Variants in CRYBG1 observed in about 807,000 individuals in gnomAD.
The protein encoded by CRYBG1 is crystallin beta-gamma domain containing 1, also known as beta/gamma crystallin domain-containing protein 1.
Under a neutral mutation model 189.2 loss-of-function variants are expected in CRYBG1, and 139 were observed. The ratio of observed to expected loss-of-function variants is 0.73; its 90% CI spans 0.64 to 0.85. CRYBG1 has a LOEUF of 0.85. Ranked by LOEUF, CRYBG1 falls within the 40% of genes least tolerant of loss-of-function variation. The pLI, the probability that CRYBG1 is intolerant of heterozygous loss-of-function variation, is 0.00. For synonymous variants in CRYBG1, 1,023 were observed against 1,017.1 expected, an observed-to-expected ratio of 1.01 and a Z score of -0.11; for missense variants, 2,611 against 2,675.8, an observed-to-expected ratio of 0.98 and a Z score of 0.53.
At chr6:106,498,989 C>T (rs764308252) in intron 2 of CRYBG1, among the ~76,000 whole-genome samples, 3 of 150,822 alleles carry the variant, frequency 2.0e-5, no homozygotes, top group African/African-American at 2.4e-5. Flanking sequence ...GAAAAATAAG[C>T]CAAGAAAAAA....
At chr6:106,380,706 A>T (rs1016585118) in intron 1 of CRYBG1, among the ~76,000 whole-genome samples, 1 of 152,206 alleles carries the variant, frequency 6.6e-6, no homozygotes, top group Non-Finnish European at 1.5e-5. Flanking sequence ...TATAATAGGA[A>T]GGGTGAATTC....
intron 1 of CRYBG1, among the ~76,000 whole-genome samples, chr6:106,423,853 C>T (rs1480031398): frequency 6.6e-6 from 1 of 151,828 alleles, no homozygotes; most frequent in Non-Finnish European, 1.5e-5. Flanking sequence ...TACAGGCCCA[C>T]ACCACCATGC....
intron 8 of CRYBG1, 100 bp from the exon 9 acceptor site, chr6:106,539,303 C>G: frequency 7.1e-7 from 1 of 1,413,944 alleles, no homozygotes; most frequent in Non-Finnish European, 9.7e-7. Flanking sequence ...TCCGTATCCT[C>G]TCCTGTTCTT....
At chr6:106,560,071 G>C (rs1343347384) in intron 18 of CRYBG1, among the ~76,000 whole-genome samples, 2 of 152,176 alleles carry the variant, frequency 1.3e-5, no homozygotes, top group African/African-American at 4.8e-5. Context: ...TTCAGCCTGG[G>C]CAACAGAGTG....
chr6:106,532,165 A>G (rs1773888726), intron 8 of CRYBG1, among the ~76,000 whole-genome samples: 1 of 152,208 alleles, frequency 6.6e-6, no homozygotes, highest in Admixed American at 6.5e-5. Context: ...TCTTTGTGGT[A>G]AGATCATTCA....
chr6:106,419,877 C>T (rs1771092550), intron 1 of CRYBG1, among the ~76,000 whole-genome samples: 1 of 152,200 alleles, frequency 6.6e-6, no homozygotes, highest in African/African-American at 2.4e-5. Flanking sequence ...CCTTTCCATA[C>T]AGAAAGCTGA....
intron 1 of CRYBG1, among the ~76,000 whole-genome samples, chr6:106,436,102 G>A (rs1390642727): frequency 1.3e-5 from 2 of 152,068 alleles, no homozygotes; most frequent in Non-Finnish European, 2.9e-5. Flanking sequence ...GCTTCCCTGA[G>A]GAACCTATTA....
rs117870004 is a variant in CRYBG1 at position 106,444,557 on chromosome 6, A to G, written c.174-7137A>G. Among the ~76,000 whole-genome samples, 80 of 152,264 alleles carry G rather than the reference A, an allele frequency of 5.3e-4. No homozygotes were observed. The East Asian group carries it at 0.013, about 24-fold the overall frequency. On this transcript the variant is annotated intron_variant, in intron 1 of 21. Coordinates refer to ENST00000633556, the MANE Select transcript of CRYBG1 (RefSeq NM_001371242.2). ...CTGGGACCAATGCTAATAAAGCCAA[A>G]CCTTGTGGAACCTAGCCTGGTTCTG...
chr6:106,511,031 CT>C, intron 2 of CRYBG1, among the ~76,000 whole-genome samples: 1 of 152,180 alleles, frequency 6.6e-6, no homozygotes, highest in Non-Finnish European at 1.5e-5. Context: ...CCTTAGGATA[CT>C]TTAGTGTGTT....
At chr6:106,395,620 A>G (rs1026298672) in intron 1 of CRYBG1, among the ~76,000 whole-genome samples, 1 of 152,078 alleles carries the variant, frequency 6.6e-6, no homozygotes, top group African/African-American at 2.4e-5. Flanking sequence ...TACTTGGACC[A>G]TGAATAATTT....
intron 2 of CRYBG1, among the ~76,000 whole-genome samples, chr6:106,460,213 G>T (rs1031425877): frequency 2.0e-5 from 3 of 151,632 alleles, no homozygotes; most frequent in Non-Finnish European, 4.4e-5. Context: ...GGATGGTCTT[G>T]ATCTCCTGAC....
chr6:106,527,699 C>T (rs1285124895), intron 7 of CRYBG1, among the ~76,000 whole-genome samples: 1 of 152,080 alleles, frequency 6.6e-6, no homozygotes, highest in Non-Finnish European at 1.5e-5. Context: ...TTATGCCTGT[C>T]CTTCTATTCC....
chr6:106,392,176 T>C (rs1325560624), intron 1 of CRYBG1, among the ~76,000 whole-genome samples: 1 of 152,008 alleles, frequency 6.6e-6, no homozygotes, highest in Non-Finnish European at 1.5e-5. Flanking sequence ...ATGGGAGAGC[T>C]TGGGGAATAA....
In CRYBG1 at chr6:106,520,033, C is replaced by T; in HGVS notation, c.2825C>T (p.Pro942Leu). ...CCTCCTTTGTCCACAGAGCGTAGTC[C>T]AGAAGCTGTGGGAAGTGAGTGTCCA... ...TTPPLSTERSPEAVGSECPSR... is the reference protein window; with the variant it reads ...TTPPLSTERSLEAVGSECPSR... Residue 942 changes from proline (P) to leucine (L), a missense_variant, in exon 4 of 22, where the codon CCA (proline) becomes CTA (leucine). By Grantham distance (98) the Pro-to-Leu change is moderately conservative (BLOSUM62 -3). This residue lies in a region of CRYBG1 where 1,622 missense variants were observed against 1,735.0 expected (regional missense o/e 0.93). Coordinates refer to ENST00000633556, the MANE Select transcript of CRYBG1 (RefSeq NM_001371242.2). 1 of 1,614,154 alleles carries T rather than the reference C, an allele frequency of 6.2e-7. No individual in the cohort carries two copies. The highest frequency in any genetic ancestry group is 8.5e-7 in the Non-Finnish European group (1 of 1,180,028).
intron 16 of CRYBG1, among the ~76,000 whole-genome samples, chr6:106,555,296 A>AGAG: frequency 1.5e-5 from 1 of 66,254 alleles, no homozygotes; most frequent in Non-Finnish European, 4.7e-5. Flanking sequence ...CTAAGTCAAT[A>AGAG]TAGTATTTTG....
chr6:106,394,255 G>GT (rs1770562952), intron 1 of CRYBG1, among the ~76,000 whole-genome samples: 1 of 151,960 alleles, frequency 6.6e-6, no homozygotes, highest in Admixed American at 6.6e-5. Flanking sequence ...ATATTCTTAG[G>GT]TTTTCCAAGG....
intron 1 of CRYBG1, among the ~76,000 whole-genome samples, chr6:106,437,634 G>A (rs551690331): frequency 6.6e-6 from 1 of 152,126 alleles, no homozygotes; most frequent in Non-Finnish European, 1.5e-5. Flanking sequence ...ACAGGGTGTT[G>A]CTATGTTGCC....
intron 1 of CRYBG1, among the ~76,000 whole-genome samples, chr6:106,412,890 T>C (rs949867556): frequency 2.7e-5 from 4 of 150,292 alleles, no homozygotes; most frequent in African/African-American, 7.4e-5. Context: ...AAATTGAACA[T>C]TGGACATGGT....
chr6:106,554,459 C>T (rs1334673794), intron 16 of CRYBG1, among the ~76,000 whole-genome samples: 1 of 152,020 alleles, frequency 6.6e-6, no homozygotes, highest in Non-Finnish European at 1.5e-5. Context: ...ACTAAAAATA[C>T]AAAAATTAGC....
Sources: allele counts gnomAD v4.1 joint callset (sites outside exome capture counted in the v4.1 genomes callset), GRCh38; gene constraint gnomAD v4.1.1; regional missense constraint gnomAD v4.1.1; transcripts MANE v1.5; gene names NCBI Gene and HGNC (gene_info 2026-07-23, HGNC 2026-07-21).